The following LINGO2 variants were observed in gnomAD, a reference collection of about 807,000 sequenced individuals.
LINGO2 encodes the protein leucine-rich repeat and immunoglobulin-like domain-containing nogo receptor-interacting protein 2.
A neutral mutation model predicts 30.6 loss-of-function variants in LINGO2; 14 were observed. The ratio of observed to expected loss-of-function variants is 0.46; its 90% CI spans 0.30 to 0.72. The LOEUF is 0.72. Among genes scored for constraint, LINGO2 ranks in the 30% least tolerant of loss-of-function variants. The pLI, the probability that LINGO2 is intolerant of heterozygous loss-of-function variation, is 0.07. For synonymous variants in LINGO2, 317 were observed against 288.5 expected (o/e 1.10, Z -1.00); for missense variants, 729 against 751.7 (o/e 0.97, Z 0.35).
At chr9:28,325,192 C>A (rs1026656358) in intron 3 of LINGO2, among the ~76,000 whole-genome samples, 3 of 151,908 alleles carry the variant, frequency 2.0e-5, no homozygotes, top group African/African-American at 7.3e-5. Flanking sequence ...CCCCTGAATT[C>A]TCTTTCCTTA....
intron 2 of LINGO2, among the ~76,000 whole-genome samples, chr9:28,412,858 G>T (rs1822822290): frequency 6.6e-6 from 1 of 151,856 alleles, no homozygotes; most frequent in Non-Finnish European, 1.5e-5. Context: ...CTAACTTTAT[G>T]CAGATTTTGT....
intron 4 of LINGO2, among the ~76,000 whole-genome samples, chr9:28,103,493 G>A (rs1351057340): frequency 6.6e-6 from 1 of 152,066 alleles, no homozygotes; most frequent in Non-Finnish European, 1.5e-5. Flanking sequence ...AACAAGCCCA[G>A]GTTAGCTTGC....
At chr9:28,497,606 T>C (rs1480265232) in intron 1 of LINGO2, among the ~76,000 whole-genome samples, 1 of 152,168 alleles carries the variant, frequency 6.6e-6, no homozygotes, top group Admixed American at 6.5e-5. Context: ...GGGTTCGAAC[T>C]TCCTCCTTTA....
intron 2 of LINGO2, among the ~76,000 whole-genome samples, chr9:28,441,254 T>C: frequency 2.9e-5 from 1 of 33,938 alleles, no homozygotes; most frequent in African/African-American, 1.0e-4. Context: ...TTGGAGGCTT[T>C]TTTTTTTTTT....
At chr9:28,890,588 G>A in the LINGO2 span, among the ~76,000 whole-genome samples, 136,289 of 152,108 alleles carry the variant, frequency 0.9, 61,341 homozygotes, top group Non-Finnish European at 0.94. Flanking sequence ...AGGACAATGG[G>A]ACATTCTCTC....
At chr9:28,257,964 G>A (rs1487537244) in intron 4 of LINGO2, among the ~76,000 whole-genome samples, 3 of 151,800 alleles carry the variant, frequency 2.0e-5, no homozygotes, top group South Asian at 2.1e-4. Context: ...GTTGATTAAC[G>A]CATAAAAAGC....
chr9:28,054,043 G>C (rs1180584669), intron 4 of LINGO2, among the ~76,000 whole-genome samples: 2 of 150,610 alleles, frequency 1.3e-5, no homozygotes, highest in African/African-American at 2.5e-5. Context: ...AGAGTACGTG[G>C]GTTGCAGCCC....
chr9:27,953,616 G>A (rs1036118714), intron 5 of LINGO2, among the ~76,000 whole-genome samples: 1 of 152,050 alleles, frequency 6.6e-6, no homozygotes, highest in African/African-American at 2.4e-5. Flanking sequence ...TTTTATAAGG[G>A]GCTTTTCCCT....
At chr9:28,449,767 G>A (rs1824575425) in intron 2 of LINGO2, among the ~76,000 whole-genome samples, 1 of 151,894 alleles carries the variant, frequency 6.6e-6, no homozygotes, top group South Asian at 2.1e-4. Flanking sequence ...CCCACCTATT[G>A]GTTCAATATT....
chr9:28,283,418 G>C (rs940366605), intron 4 of LINGO2, among the ~76,000 whole-genome samples: 3 of 152,096 alleles, frequency 2.0e-5, no homozygotes, highest in Admixed American at 2.0e-4. Flanking sequence ...AGGATTTTAA[G>C]TCCTAAGCTG....
the LINGO2 span, among the ~76,000 whole-genome samples, chr9:28,785,930 G>T: frequency 1.3e-5 from 2 of 152,126 alleles, no homozygotes; most frequent in Non-Finnish European, 2.9e-5. Context: ...AATTCAATGG[G>T]TGTCTAAATT....
intron 2 of LINGO2, among the ~76,000 whole-genome samples, chr9:28,421,468 A>G (rs942830002): frequency 8.0e-5 from 12 of 149,430 alleles, no homozygotes; most frequent in East Asian, 3.9e-4. Context: ...AAGGGACAAC[A>G]AATAGCCAAA....
chr9:29,123,440 C>T, the LINGO2 span, among the ~76,000 whole-genome samples: 1 of 151,912 alleles, frequency 6.6e-6, no homozygotes, highest in Admixed American at 6.6e-5. Context: ...AATGTAACTT[C>T]CAGCTCAAAA....
At chr9:28,903,664 G>A in the LINGO2 span, among the ~76,000 whole-genome samples, 1 of 151,992 alleles carries the variant, frequency 6.6e-6, no homozygotes, top group Non-Finnish European at 1.5e-5. Context: ...TTTTTGTAGA[G>A]GTGGGGTCTT....
chr9:28,490,911 G>A (rs1364875132), intron 1 of LINGO2, among the ~76,000 whole-genome samples: 1 of 152,118 alleles, frequency 6.6e-6, no homozygotes, highest in Non-Finnish European at 1.5e-5. Context: ...TGTAAAAGAT[G>A]TTTATTGTAA....
At chr9:28,043,094 TTAA>T (rs1480410664) in intron 4 of LINGO2, among the ~76,000 whole-genome samples, 1 of 152,122 alleles carries the variant, frequency 6.6e-6, no homozygotes, top group African/African-American at 2.4e-5. Flanking sequence ...GCCCCTGGTG[TTAA>T]TGAGACACTC....
chr9:28,386,863 G>T (rs552507727), intron 2 of LINGO2, among the ~76,000 whole-genome samples: 1 of 152,144 alleles, frequency 6.6e-6, no homozygotes, highest in African/African-American at 2.4e-5. Context: ...GGAATAAGAA[G>T]AATATCAAGC....
intron 5 of LINGO2, among the ~76,000 whole-genome samples, chr9:27,980,937 G>A (rs1820824639): frequency 6.6e-6 from 1 of 151,850 alleles, no homozygotes; most frequent in Admixed American, 6.6e-5. Flanking sequence ...TGTGCCCTAT[G>A]TGCAGAACAG....
intron 4 of LINGO2, among the ~76,000 whole-genome samples, chr9:28,035,893 AACACACAC>A (rs111851787): frequency 3.4e-5 from 5 of 149,196 alleles, no homozygotes; most frequent in Admixed American, 2.0e-4. Flanking sequence ...CACACACACA[AACACACAC>A]ACACACACAC....
Sources: gnomAD v4.1 joint callset for allele counts (sites outside exome capture counted in the v4.1 genomes callset) on GRCh38, gnomAD v4.1.1 for gene constraint, MANE v1.5 for transcripts, NCBI Gene and HGNC (gene_info 2026-07-23, HGNC 2026-07-21) for gene names.